SLAMF8: variants seen among roughly 807,000 people sequenced by gnomAD.
The protein encoded by SLAMF8 is SLAM family member 8.
In SLAMF8, 23 loss-of-function variants were observed where a neutral mutation model predicts 29.0. That is an observed-to-expected ratio of 0.79 (90% confidence interval 0.57 to 1.13). The LOEUF (loss-of-function observed/expected upper bound fraction) is 1.13. SLAMF8 is among the 50% of genes most tolerant of loss of function. The probability of loss-of-function intolerance (pLI) is 0.00; values close to 1 mark genes in which losing one functional copy is unlikely to be tolerated. For missense variants in SLAMF8, 381 were observed against 353.1 expected, an observed-to-expected ratio of 1.08 and a Z score of -0.63; for synonymous variants, 139 against 145.6, an observed-to-expected ratio of 0.96 and a Z score of 0.32.
At position 159,835,604 on chromosome 1, in the gene SLAMF8, C is replaced by A; in HGVS notation, c.*344C>A. On this transcript the variant is annotated 3_prime_UTR_variant, in exon 5 of 5. Coordinates refer to ENST00000289707, the MANE Select transcript of SLAMF8 (RefSeq NM_020125.3). ...AGGCATTCCCTCCCCCACCACTATT[C>A]ATAAAGTATTAACCAACTGGCACCA... The A allele has an allele frequency of 9.5e-7, 1 of 1,048,696 alleles. No homozygotes were observed. Among genetic ancestry groups the A allele is most frequent in the Non-Finnish European group, 1.1e-6 (1 of 870,130 alleles). The allele number at this position is 1,048,696 out of a possible 1,614,324, so 65.0% of individuals were successfully genotyped here.
In SLAMF8 at chr1:159,835,989, C is replaced by T. The variant is rs116814380; in HGVS notation, c.*729C>T. On this transcript the variant is annotated 3_prime_UTR_variant, in exon 5 of 5. Coordinates refer to ENST00000289707, the MANE Select transcript of SLAMF8 (RefSeq NM_020125.3). ...AATAGACATCCTCACCATCTCCATC[C>T]GCTCTCACGCCTCCTGCAGGATCTG... 2.6e-4 allele frequency: 258 copies of T among 985,432 alleles called. No homozygotes were observed. In the African/African-American group the frequency reaches 3.3e-3, roughly 13 times the overall value. 61.0% of individuals were successfully genotyped at this position (985,432 alleles called of 1,614,324 possible).
At position 159,835,180 on chromosome 1, in the gene SLAMF8, C is replaced by G. The variant is rs924324896; in HGVS notation, c.782-4C>G. 24 of 1,613,422 alleles carry G rather than the reference C, an allele frequency of 1.5e-5. No individual in the cohort carries two copies. The highest frequency in any genetic ancestry group is 5.3e-5 in the African/African-American group (4 of 74,870). On this transcript the variant is annotated splice_polypyrimidine_tract_variant and splice_region_variant and intron_variant, in intron 4 of 4. Coordinates refer to ENST00000289707, the MANE Select transcript of SLAMF8 (RefSeq NM_020125.3). The stretch of plus-strand genomic sequence containing the variant: ...GGTAACTTTCTTTCTGATGTCCTTA[C>G]CAGGGAAAAAGAAAAAGGATGTCCA...
intron 1 of SLAMF8, 42 bp from the exon 2 acceptor site, chr1:159,829,824 A>G (rs1248791378): frequency 6.4e-7 from 1 of 1,550,820 alleles, no homozygotes; most frequent in East Asian, 2.3e-5. Flanking sequence ...AAGGATGAGG[A>G]GTGTGGGGCA....
chr1:159,832,815 A>G, intron 2 of SLAMF8, 61 bp from the exon 3 acceptor site: 1 of 1,560,480 alleles, frequency 6.4e-7, no homozygotes, highest in Non-Finnish European at 8.7e-7. Flanking sequence ...TCCCAGAGCC[A>G]GAGATGTGGG....
At chr1:159,827,260 G>A (rs573801776) in intron 1 of SLAMF8, among the ~76,000 whole-genome samples, 21 of 152,164 alleles carry the variant, frequency 1.4e-4, no homozygotes, top group Non-Finnish European at 2.5e-4. Context: ...TGTGAGAATG[G>A]TGAGGACCCG....
At chr1:159,827,240 G>A (rs1468657826) in intron 1 of SLAMF8, among the ~76,000 whole-genome samples, 2 of 152,180 alleles carry the variant, frequency 1.3e-5, no homozygotes, top group Non-Finnish European at 2.9e-5. Flanking sequence ...GGTTTGGAGA[G>A]AAAGTCGGCT....
rs1423268016 is a variant in SLAMF8, at chr1:159,836,501, C to A, written c.*1241C>A. The A allele has an allele frequency of 2.0e-6, 2 of 985,348 alleles. No homozygotes were observed. Among genetic ancestry groups the A allele is most frequent in the Admixed American group, 6.1e-5 (1 of 16,272 alleles). The allele number at this position is 985,348 out of a possible 1,614,324, so 61.0% of individuals were successfully genotyped here. On this transcript the variant is annotated 3_prime_UTR_variant, in exon 5 of 5. Coordinates refer to ENST00000289707, the MANE Select transcript of SLAMF8 (RefSeq NM_020125.3). ...CTGATAAGGTTCACAGTTTCTCTCA[C>A]CCAGGTGTAACTGGATTTTTTCTGG...
At chr1:159,834,609 T>G (rs2101800403) in intron 4 of SLAMF8, 1 of 152,574 alleles carries the variant, frequency 6.6e-6, no homozygotes, top group African/African-American at 2.4e-5. Flanking sequence ...TTTTAAAACA[T>G]TTCTATTACC....
chr1:159,834,912 A>C (rs997280690), intron 4 of SLAMF8: 18 of 343,530 alleles, frequency 5.2e-5, no homozygotes, highest in Non-Finnish European at 8.0e-5. Context: ...GCTTCTGTCC[A>C]GTGATTTAAC....
intron 1 of SLAMF8, among the ~76,000 whole-genome samples, chr1:159,829,302 C>G (rs759817527): frequency 1.4e-4 from 22 of 152,244 alleles, no homozygotes; most frequent in African/African-American, 2.2e-4. Context: ...AAAGCCCAAA[C>G]TCCAGTATTG....
rs1468590666 is a variant in SLAMF8 at position 159,833,095 on chromosome 1, A to G, written c.587A>G (p.Asp196Gly). The G allele has an allele frequency of 1.2e-6, 2 of 1,614,154 alleles. No individual in the cohort carries two copies. The highest frequency in any genetic ancestry group is 4.5e-5 in the East Asian group (2 of 44,884). The change falls in exon 3 of 5, where the codon GAT becomes GGT. Residue 196 changes from aspartate (D) to glycine (G), a missense_variant. Transcript: ENST00000289707. Reference protein sequence around the residue: ...LSISLGPGDRDVAYSCIVSNP... With the variant: ...LSISLGPGDRGVAYSCIVSNP... ...ATTTCCCTGGGACCAGGAGACAGAG[A>G]TGTGGCCTATTCCTGCATTGTCTCC...
In SLAMF8 at chr1:159,836,009, G is replaced by A. The variant is rs935885804; in HGVS notation, c.*749G>A. The A allele has an allele frequency of 1.5e-5, 15 of 985,416 alleles. No individual in the cohort carries two copies. The highest frequency in any genetic ancestry group is 1.7e-5 in the Non-Finnish European group (14 of 829,936). The allele number at this position is 985,416 out of a possible 1,614,324, so 61.0% of individuals were successfully genotyped here. ...CCATCCGCTCTCACGCCTCCTGCAGGATCTGGGAGTGAGGGTGGAGAGTCT... is the reference window on the plus strand; with the variant it reads ...CCATCCGCTCTCACGCCTCCTGCAGAATCTGGGAGTGAGGGTGGAGAGTCT... On this transcript the variant is annotated 3_prime_UTR_variant, in exon 5 of 5. Transcript: ENST00000289707.
At position 159,836,376 on chromosome 1, in the gene SLAMF8, A is replaced by G; in HGVS notation, c.*1116A>G. 1.0e-6 allele frequency: 1 copy of G among 985,454 alleles called. No homozygotes were observed. The allele number at this position is 985,454 out of a possible 1,614,324, so 61.0% of individuals were successfully genotyped here. A position where few individuals can be genotyped will look rare whatever the true frequency, so the allele number is the denominator to read the frequency against. On this transcript the variant is annotated 3_prime_UTR_variant, in exon 5 of 5. Transcript: ENST00000289707. ...TTTATTGTGGCCATCTTAGGAAAAT[A>G]CATTCTGCCCCTGAATGATTCTGTC...
intron 4 of SLAMF8, chr1:159,834,952 C>A (rs540437474): frequency 2.1e-6 from 1 of 481,252 alleles, no homozygotes. Flanking sequence ...ACTTTCCATA[C>A]CTTCTACAAT....
rs1571148310 is a variant in SLAMF8, at chr1:159,836,802, T to C, written c.*1542T>C. ...GCTCAGAGGTTCCCTGTTGGTAACC[T>C]GGCTTTATCAAATTCTCATCCCTTT... On this transcript the variant is annotated 3_prime_UTR_variant, in exon 5 of 5. Coordinates refer to ENST00000289707, the MANE Select transcript of SLAMF8 (RefSeq NM_020125.3). 2 of 985,608 alleles carry C rather than the reference T, an allele frequency of 2.0e-6. No individual in the cohort carries two copies. Among genetic ancestry groups the C allele is most frequent in the Non-Finnish European group, 2.4e-6 (2 of 830,026 alleles). 61.1% of individuals were successfully genotyped at this position (985,608 alleles called of 1,614,324 possible). A position where few individuals can be genotyped will look rare whatever the true frequency, so the allele number is the denominator to read the frequency against.
chr1:159,831,359 G>A (rs1647476246), intron 2 of SLAMF8, among the ~76,000 whole-genome samples: 1 of 151,652 alleles, frequency 6.6e-6, no homozygotes, highest in Admixed American at 6.6e-5. Context: ...AGCCACTCAG[G>A]GTGCCGATGC....
At chr1:159,834,947 C>T (rs1440044889) in intron 4 of SLAMF8, 1 of 471,140 alleles carries the variant, frequency 2.1e-6, no homozygotes. Context: ...TCCTAACTTT[C>T]CATACCTTCT....
rs1647598549 is a variant in SLAMF8 at position 159,832,943 on chromosome 1, C to T, written c.435C>T (p.Thr145=). 1 of 1,614,110 alleles carries T rather than the reference C, an allele frequency of 6.2e-7. No homozygotes were observed. The highest frequency in any genetic ancestry group is 1.3e-5 in the African/African-American group (1 of 74,928). ...AVERDAQPSK[T]CQVFLSCWAP... ...AAAGGGATGCTCAGCCCTCCAAGAC[C>T]TGCCAGGTTTTCTTGTCCTGTTGGG... The change falls in exon 3 of 5, where the codon ACC becomes ACT. Residue 145 remains threonine (T), a synonymous_variant. Coordinates refer to ENST00000289707, the MANE Select transcript of SLAMF8 (RefSeq NM_020125.3).
intron 1 of SLAMF8, among the ~76,000 whole-genome samples, chr1:159,829,111 T>G (rs1197612930): frequency 6.6e-6 from 1 of 151,754 alleles, no homozygotes; most frequent in African/African-American, 2.4e-5. Flanking sequence ...CCATCCCGGT[T>G]GCTCCCTTCC....
Sources: gnomAD v4.1 joint callset for allele counts (sites outside exome capture counted in the v4.1 genomes callset) on GRCh38, gnomAD v4.1.1 for gene constraint, MANE v1.5 for transcripts, NCBI Gene and HGNC (gene_info 2026-07-23, HGNC 2026-07-21) for gene names.